Variants in BCLAF3 observed in about 807,000 individuals in gnomAD.
The protein encoded by BCLAF3 is transient octamer binding factor 1.
BCLAF3 carries 24 observed loss-of-function variants against 51.2 expected under a neutral mutation model. The ratio of observed to expected loss-of-function variants is 0.47; its 90% CI spans 0.34 to 0.66. The LOEUF (loss-of-function observed/expected upper bound fraction) is 0.66, where lower values mean the gene tolerates loss of function less well. BCLAF3 is among the 30% of genes least tolerant of loss of function. The pLI, the probability that BCLAF3 is intolerant of heterozygous loss-of-function variation, is 0.01. For missense variants in BCLAF3, 465 were observed against 525.1 expected (o/e 0.89, Z 1.12); for synonymous variants, 152 against 176.6 (o/e 0.86, Z 1.10).
At chrX:19,961,099 A>ACT (rs2071839406) in intron 4 of BCLAF3, among the ~76,000 whole-genome samples, 1 of 111,433 alleles carries the variant, frequency 9.0e-6, no homozygotes, top group African/African-American at 3.3e-5. Context: ...GCCCTCACTC[A>ACT]CTCAAGCCCA....
intron 10 of BCLAF3, 87 bp downstream of exon 10, chrX:19,935,722 A>G: frequency 1.3e-6 from 1 of 761,697 alleles, no homozygotes; most frequent in South Asian, 2.4e-5. Flanking sequence ...CATATTACAA[A>G]ACAGCTCTTG....
chrX:19,936,130 G>A (rs1053456439), intron 9 of BCLAF3, among the ~76,000 whole-genome samples: 14 of 111,613 alleles, frequency 1.3e-4, no homozygotes, highest in Admixed American at 1.1e-3. Flanking sequence ...GATCATTTAC[G>A]CCTGTAACAA....
At chrX:19,923,407 C>G in intron 11 of BCLAF3, 1 of 175,762 alleles carries the variant, frequency 5.7e-6, no homozygotes, top group South Asian at 7.4e-5. Flanking sequence ...AGCTAGGGGA[C>G]CTGAGGGAAA....
At chrX:19,927,376 AT>A (rs914508853) in intron 11 of BCLAF3, among the ~76,000 whole-genome samples, 1 of 112,107 alleles carries the variant, frequency 8.9e-6, no homozygotes, top group African/African-American at 3.2e-5. Flanking sequence ...CATAAAAAAA[AT>A]AAGTTGCCAA....
intron 11 of BCLAF3, 36 bp downstream of exon 11, chrX:19,929,749 C>G (rs1177847430): frequency 8.7e-7 from 1 of 1,149,195 alleles, no homozygotes; most frequent in Non-Finnish European, 1.2e-6. Context: ...GTTTAAAAGT[C>G]ACTAAACATT....
intron 8 of BCLAF3, among the ~76,000 whole-genome samples, chrX:19,943,609 T>A: frequency 2.0e-5 from 2 of 98,959 alleles, no homozygotes; most frequent in Middle Eastern, 4.8e-3. Context: ...AATCCTGAGT[T>A]CTAGTTTGAT....
intron 8 of BCLAF3, among the ~76,000 whole-genome samples, chrX:19,948,546 C>T (rs1323932446): frequency 3.7e-5 from 4 of 109,563 alleles, no homozygotes; most frequent in African/African-American, 1.3e-4. Context: ...CGGGTAGATC[C>T]CTTGAGCACA....
At chrX:19,940,083 T>C (rs976429362) in intron 8 of BCLAF3, among the ~76,000 whole-genome samples, 1 of 111,576 alleles carries the variant, frequency 9.0e-6, no homozygotes, top group Non-Finnish European at 1.9e-5. Context: ...ATGGTAAATT[T>C]AGGATATGTA....
intron 1 of BCLAF3, among the ~76,000 whole-genome samples, chrX:19,978,386 C>T (rs6527958): frequency 0.35 from 38,914 of 110,321 alleles, 8,192 homozygotes; most frequent in African/African-American, 0.8. Flanking sequence ...CCAACTCTCA[C>T]GGATGATTTT....
At chrX:19,953,317 CA>C (rs1448498169) in intron 6 of BCLAF3, among the ~76,000 whole-genome samples, 2 of 111,558 alleles carry the variant, frequency 1.8e-5, no homozygotes, top group Non-Finnish European at 3.8e-5. Context: ...TGCATTCTCA[CA>C]TGTATTCAAA....
chrX:19,938,729 A>G (rs1342726409), intron 8 of BCLAF3, among the ~76,000 whole-genome samples: 1 of 112,610 alleles, frequency 8.9e-6, no homozygotes, highest in African/African-American at 3.2e-5. Context: ...TTCCTGGCAC[A>G]AAGCAATCTC....
chrX:19,937,892 T>A (rs2070834132), intron 8 of BCLAF3, among the ~76,000 whole-genome samples: 1 of 111,968 alleles, frequency 8.9e-6, no homozygotes, highest in Non-Finnish European at 1.9e-5. Context: ...TTGGCAGCAC[T>A]GCCCCCCTCC....
intron 1 of BCLAF3, among the ~76,000 whole-genome samples, chrX:19,981,198 A>G (rs1350268680): frequency 1.8e-5 from 2 of 111,636 alleles, no homozygotes; most frequent in African/African-American, 6.5e-5. Context: ...ACCTCATACC[A>G]TATACAAAAA....
At chrX:19,950,655 C>T in intron 8 of BCLAF3, 98 bp downstream of exon 8, 3 of 538,863 alleles carry the variant, frequency 5.6e-6, no homozygotes, top group South Asian at 3.6e-5. Context: ...GGAGCAAATC[C>T]CTATATTAAA....
intron 2 of BCLAF3, among the ~76,000 whole-genome samples, chrX:19,967,038 G>A (rs939341832): frequency 9.0e-6 from 1 of 111,251 alleles, no homozygotes; most frequent in African/African-American, 3.3e-5. Context: ...CAGTTCAAAG[G>A]CCAGGTAAGA....
intron 1 of BCLAF3, among the ~76,000 whole-genome samples, chrX:19,978,560 G>A (rs2072506258): frequency 8.9e-6 from 1 of 112,067 alleles, no homozygotes; most frequent in Non-Finnish European, 1.9e-5. Flanking sequence ...CAAAGAAAGT[G>A]GTTTCTTGAT....
intron 11 of BCLAF3, chrX:19,929,236 T>C (rs1412532780): frequency 2.7e-5 from 3 of 111,882 alleles, no homozygotes; most frequent in Non-Finnish European, 3.8e-5. Flanking sequence ...GAACATATAA[T>C]GGTGATGATT....
At chrX:19,988,734 T>C (rs1490453873) in intron 1 of BCLAF3, among the ~76,000 whole-genome samples, 1 of 112,417 alleles carries the variant, frequency 8.9e-6, no homozygotes, top group Non-Finnish European at 1.9e-5. Flanking sequence ...GGCAACTGTA[T>C]TATAACCCCT....
chrX:19,970,807 A>C, intron 1 of BCLAF3, among the ~76,000 whole-genome samples: 1 of 112,159 alleles, frequency 8.9e-6, no homozygotes, highest in South Asian at 3.7e-4. Context: ...TGGGTCATAC[A>C]AAAATAGGCC....
Sources: gnomAD v4.1 joint callset for allele counts (sites outside exome capture counted in the v4.1 genomes callset) on GRCh38, gnomAD v4.1.1 for gene constraint, MANE v1.5 for transcripts, NCBI Gene and HGNC (gene_info 2026-07-23, HGNC 2026-07-21) for gene names.